ZNF583: variants seen among roughly 807,000 people sequenced by gnomAD.
The protein encoded by ZNF583 is zinc finger protein 583, also known as zinc finger protein L3-5.
A neutral mutation model predicts 55.3 loss-of-function variants in ZNF583; 30 were observed. That is an observed-to-expected ratio of 0.54 (90% CI 0.41 to 0.74). The LOEUF is 0.74. Ranked by LOEUF, ZNF583 falls within the 30% of genes least tolerant of loss-of-function variation. The probability of loss-of-function intolerance (pLI) is 0.00; values close to 1 mark genes in which losing one functional copy is unlikely to be tolerated. For synonymous variants in ZNF583, 208 were observed against 220.0 expected (o/e 0.95, Z 0.48); for missense variants, 504 against 664.7 (o/e 0.76, Z 2.66).
At chr19:56,405,010 T>C (rs1179646716) in intron 1 of ZNF583, among the ~76,000 whole-genome samples, 1 of 151,846 alleles carries the variant, frequency 6.6e-6, no homozygotes, top group African/African-American at 2.4e-5. Context: ...ACCGTGTGTG[T>C]AGGATTAGAT....
chr19:56,405,697 G>C (rs745785912), intron 1 of ZNF583, among the ~76,000 whole-genome samples: 17 of 152,024 alleles, frequency 1.1e-4, no homozygotes, highest in Non-Finnish European at 1.9e-4. Context: ...GAATTTAAAA[G>C]GAAAAAGGAA....
intron 2 of ZNF583, among the ~76,000 whole-genome samples, chr19:56,412,137 A>T (rs908291282): frequency 6.6e-6 from 1 of 152,168 alleles, no homozygotes; most frequent in Non-Finnish European, 1.5e-5. Flanking sequence ...CACTAGCAGC[A>T]CTCAGTGAAG....
intron 2 of ZNF583, among the ~76,000 whole-genome samples, chr19:56,412,060 G>C (rs1460462428): frequency 6.6e-6 from 1 of 152,190 alleles, no homozygotes; most frequent in Non-Finnish European, 1.5e-5. Flanking sequence ...TGGGATCCTG[G>C]AGTTTGCTGC....
At chr19:56,416,664 C>G (rs1398279965) in intron 4 of ZNF583, among the ~76,000 whole-genome samples, 2 of 149,812 alleles carry the variant, frequency 1.3e-5, no homozygotes, top group African/African-American at 4.9e-5. Context: ...GCTGTTCATA[C>G]TAGATAATCT....
intron 1 of ZNF583, among the ~76,000 whole-genome samples, chr19:56,406,221 C>G (rs1156830570): frequency 1.3e-5 from 2 of 150,938 alleles, no homozygotes; most frequent in East Asian, 1.9e-4. Context: ...CCCTCTGATA[C>G]TCACTCTGTG....
chr19:56,406,799 T>G (rs750279603), intron 1 of ZNF583, among the ~76,000 whole-genome samples: 6 of 152,020 alleles, frequency 3.9e-5, no homozygotes, highest in Non-Finnish European at 5.9e-5. Context: ...AGTGCTGGGA[T>G]TACAGGCGTG....
At chr19:56,421,057 A>C (rs186663840) in intron 4 of ZNF583, among the ~76,000 whole-genome samples, 2 of 152,210 alleles carry the variant, frequency 1.3e-5, no homozygotes, top group Admixed American at 1.3e-4. Context: ...AGTGGGTGCT[A>C]TAGTGCAATG....
intron 2 of ZNF583, among the ~76,000 whole-genome samples, chr19:56,410,716 C>T (rs2042225457): frequency 6.6e-6 from 1 of 151,484 alleles, no homozygotes; most frequent in South Asian, 2.1e-4. Flanking sequence ...ACACAAACAG[C>T]AACAACAACA....
chr19:56,408,060 T>C (rs1381380057), intron 2 of ZNF583, among the ~76,000 whole-genome samples: 11 of 152,202 alleles, frequency 7.2e-5, no homozygotes, highest in Admixed American at 7.2e-4. Context: ...GCCCTGTCTT[T>C]GTCTTCATAG....
intron 2 of ZNF583, among the ~76,000 whole-genome samples, chr19:56,408,963 G>C: frequency 6.6e-6 from 1 of 151,982 alleles, no homozygotes; most frequent in Admixed American, 6.6e-5. Flanking sequence ...TCTTGTCTCT[G>C]GACTTTTGCA....
In ZNF583 at chr19:56,424,443, A is replaced by G; in HGVS notation, c.*75A>G. The G allele has an allele frequency of 1.5e-6, 1 of 679,620 alleles. No homozygotes were observed. Among genetic ancestry groups the G allele is most frequent in the Non-Finnish European group, 2.6e-6 (1 of 391,994 alleles). 42.1% of individuals were successfully genotyped at this position (679,620 alleles called of 1,614,324 possible). A position where few individuals can be genotyped will look rare whatever the true frequency, so the allele number is the denominator to read the frequency against. On this transcript the variant is annotated 3_prime_UTR_variant, in exon 5 of 5. Transcript: ENST00000333201. ...TCCAATGCACATTAATATATTTGAC[A>G]TGGGATACTCGAGTAGCTTTCTAAT... is the stretch of plus-strand genomic sequence containing the variant.
chr19:56,420,839 A>G (rs575660576), intron 4 of ZNF583, among the ~76,000 whole-genome samples: 12 of 152,244 alleles, frequency 7.9e-5, no homozygotes, highest in African/African-American at 2.6e-4. Context: ...GTTGATTCCT[A>G]TAAGTTCTGC....
In ZNF583 at chr19:56,424,065, T is replaced by C. The variant is rs908560126; in HGVS notation, c.1407T>C (p.Cys469=). 1 of 1,614,014 alleles carries C rather than the reference T, an allele frequency of 6.2e-7. No individual in the cohort carries two copies. Among genetic ancestry groups the C allele is most frequent in the Non-Finnish European group, 8.5e-7 (1 of 1,179,970 alleles). ...TGEKPYMCKE[C]RKTFSQNAGL... is the part of the protein sequence containing the mutation. ...AAAAACCCTATATGTGTAAGGAATG[T>C]AGGAAAACATTTAGCCAGAATGCAG... Residue 469 remains cysteine, a synonymous_variant, in exon 5 of 5, where the codon TGT becomes TGC. Coordinates refer to ENST00000333201, the MANE Select transcript of ZNF583 (RefSeq NM_152478.3).
At chr19:56,410,476 G>A (rs2042220832) in intron 2 of ZNF583, among the ~76,000 whole-genome samples, 1 of 152,036 alleles carries the variant, frequency 6.6e-6, no homozygotes, top group East Asian at 1.9e-4. Flanking sequence ...GAGGTGGGTG[G>A]ATCATCTGAG....
At chr19:56,412,597 C>G (rs2042255709) in intron 2 of ZNF583, among the ~76,000 whole-genome samples, 1 of 152,166 alleles carries the variant, frequency 6.6e-6, no homozygotes, top group African/African-American at 2.4e-5. Flanking sequence ...TATTTTGTCT[C>G]ATGTAGCATG....
chr19:56,425,639 A>G lies in ZNF583; in HGVS notation c.*1271A>G, dbSNP rs1420239039. On this transcript the variant is annotated 3_prime_UTR_variant, in exon 5 of 5. Transcript: ENST00000333201. Reference sequence around the variant, plus strand: ...ACCAATGATGAGTAGAAAATAAAGTATAAGTTTGAACCCCTGTTCTAAATC... The same window carrying G: ...ACCAATGATGAGTAGAAAATAAAGTGTAAGTTTGAACCCCTGTTCTAAATC... 1.3e-5 allele frequency: 2 copies of G among 152,242 alleles called. No individual in the cohort carries two copies. Among genetic ancestry groups the G allele is most frequent in the Non-Finnish European group, 2.9e-5 (2 of 68,040 alleles). The allele number at this position is 152,242 out of a possible 1,614,324, so 9.4% of individuals were successfully genotyped here.
At chr19:56,411,257 C>A (rs1244066469) in intron 2 of ZNF583, among the ~76,000 whole-genome samples, 1 of 152,016 alleles carries the variant, frequency 6.6e-6, no homozygotes, top group African/African-American at 2.4e-5. Context: ...TGACACTGTA[C>A]TCCAGCCTTG....
At chr19:56,406,945 G>A (rs1393279015) in intron 1 of ZNF583, 81 bp from the exon 2 acceptor site, 3 of 614,950 alleles carry the variant, frequency 4.9e-6, no homozygotes, top group Non-Finnish European at 5.6e-6. Flanking sequence ...GAAGGAGAAA[G>A]AGAAGGAAAG....
rs1247308853 is a variant in ZNF583, at chr19:56,427,225, C to T, written c.*2857C>T. 1.3e-5 allele frequency: 2 copies of T among 152,082 alleles called. No individual in the cohort carries two copies. The highest frequency in any genetic ancestry group is 2.9e-5 in the Non-Finnish European group (2 of 68,028). The allele number at this position is 152,082 out of a possible 1,614,324, so 9.4% of individuals were successfully genotyped here. On this transcript the variant is annotated 3_prime_UTR_variant, in exon 5 of 5. Transcript: ENST00000333201. ...AGCCCTTGCCAAAAGCCTCCTCACT[C>T]TCCCCTCTCTTGTATAAGTAAATTG...
Sources: gnomAD v4.1 joint callset for allele counts (sites outside exome capture counted in the v4.1 genomes callset) on GRCh38, gnomAD v4.1.1 for gene constraint, MANE v1.5 for transcripts, NCBI Gene and HGNC (gene_info 2026-07-23, HGNC 2026-07-21) for gene names.